The following COL8A1 variants were observed in gnomAD, a reference collection of about 807,000 sequenced individuals.
COL8A1 encodes collagen type VIII alpha 1 chain, also known as collagen alpha-1(VIII) chain.
Under a neutral mutation model 42.7 loss-of-function variants are expected in COL8A1, and 21 were observed. The ratio of observed to expected loss-of-function variants is 0.49; its 90% CI spans 0.35 to 0.71. COL8A1 has a LOEUF of 0.71. COL8A1 is among the 30% of genes least tolerant of loss of function. The pLI is 0.01. For missense variants in COL8A1, 788 were observed against 962.4 expected, an observed-to-expected ratio of 0.82 and a Z score of 2.40; for synonymous variants, 367 against 369.1, an observed-to-expected ratio of 0.99 and a Z score of 0.06.
At chr3:99,673,630 T>C (rs1035691784) in intron 1 of COL8A1, among the ~76,000 whole-genome samples, 1 of 152,124 alleles carries the variant, frequency 6.6e-6, no homozygotes, top group Non-Finnish European at 1.5e-5. Flanking sequence ...TTTTTTATTA[T>C]TTTATTTTCC....
At chr3:99,790,596 T>A in intron 2 of COL8A1, 84 bp from the exon 3 acceptor site, 1 of 1,094,988 alleles carries the variant, frequency 9.1e-7, no homozygotes, top group Admixed American at 2.5e-5. Context: ...TTTCCCTTTT[T>A]TTTCCCCATT....
At chr3:99,681,616 A>G (rs753464362) in intron 1 of COL8A1, among the ~76,000 whole-genome samples, 17 of 152,218 alleles carry the variant, frequency 1.1e-4, no homozygotes, top group Non-Finnish European at 1.9e-4. Flanking sequence ...CTATTTCCTC[A>G]AAGACTAAAA....
At chr3:99,672,784 G>GT (rs1938584860) in intron 1 of COL8A1, among the ~76,000 whole-genome samples, 1 of 152,034 alleles carries the variant, frequency 6.6e-6, no homozygotes, top group Non-Finnish European at 1.5e-5. Context: ...TCTTCAGAGA[G>GT]TTGTCTCACA....
chr3:99,791,055 A>G, intron 3 of COL8A1, 45 bp downstream of exon 3: 1 of 1,512,892 alleles, frequency 6.6e-7, no homozygotes. Context: ...AGCTTTCCAA[A>G]TCTCTAAATT....
chr3:99,771,893 A>G (rs1941587819), intron 2 of COL8A1, among the ~76,000 whole-genome samples: 1 of 152,180 alleles, frequency 6.6e-6, no homozygotes, highest in African/African-American at 2.4e-5. Context: ...TGGCTTCCCC[A>G]TCACAAATTC....
intron 1 of COL8A1, among the ~76,000 whole-genome samples, chr3:99,715,123 A>G (rs573727494): frequency 1.3e-5 from 2 of 151,970 alleles, no homozygotes; most frequent in Non-Finnish European, 2.9e-5. Flanking sequence ...TCATTCTAAA[A>G]CCACCAAAAT....
chr3:99,740,804 A>C (rs914645953), intron 1 of COL8A1, among the ~76,000 whole-genome samples: 1 of 152,368 alleles, frequency 6.6e-6, no homozygotes, highest in South Asian at 2.1e-4. Flanking sequence ...TGCCCAGACC[A>C]GAATTAACAA....
chr3:99,783,374 A>T (rs886640886), intron 2 of COL8A1, among the ~76,000 whole-genome samples: 5 of 152,200 alleles, frequency 3.3e-5, no homozygotes, highest in Admixed American at 1.3e-4. Context: ...GCTCTTAATT[A>T]CAGAATTCAG....
intron 2 of COL8A1, among the ~76,000 whole-genome samples, chr3:99,776,860 C>T (rs375834238): frequency 2.0e-5 from 3 of 152,254 alleles, no homozygotes; most frequent in East Asian, 3.9e-4. Context: ...CTTTTTAGAC[C>T]GTATAGTGTA....
At chr3:99,725,046 C>T (rs1333054854) in intron 1 of COL8A1, among the ~76,000 whole-genome samples, 1 of 152,046 alleles carries the variant, frequency 6.6e-6, no homozygotes, top group Non-Finnish European at 1.5e-5. Context: ...ATACTTGACA[C>T]AGAGCCTGGC....
intron 2 of COL8A1, among the ~76,000 whole-genome samples, chr3:99,770,609 G>A (rs942042080): frequency 3.9e-5 from 6 of 152,154 alleles, no homozygotes; most frequent in African/African-American, 1.4e-4. Flanking sequence ...GAAAAGAGGT[G>A]TTCTACCAAG....
intron 2 of COL8A1, among the ~76,000 whole-genome samples, chr3:99,788,140 G>A (rs1259380373): frequency 1.3e-5 from 2 of 152,136 alleles, no homozygotes; most frequent in Non-Finnish European, 1.5e-5. Context: ...TCAGGGACAG[G>A]AGAAAAATTA....
intron 1 of COL8A1, among the ~76,000 whole-genome samples, chr3:99,663,705 G>A (rs1265281212): frequency 6.6e-6 from 1 of 152,124 alleles, no homozygotes; most frequent in African/African-American, 2.4e-5. Context: ...AAAGAAAGTA[G>A]TGAAGATGGT....
chr3:99,768,507 C>G (rs989508713), intron 2 of COL8A1, among the ~76,000 whole-genome samples: 6 of 152,186 alleles, frequency 3.9e-5, no homozygotes, highest in African/African-American at 1.4e-4. Context: ...AGTGATTTGA[C>G]CAAGGTCACA....
rs1312889816 is a variant in COL8A1 at position 99,795,349 on chromosome 3, G to A, written c.1448G>A (p.Gly483Glu). The A allele has an allele frequency of 1.3e-6, 2 of 1,591,700 alleles. No individual in the cohort carries two copies. The highest frequency in any genetic ancestry group is 1.1e-5 in the South Asian group (1 of 87,910). ...GTTCCAGGGCTTCTCGGACCTAAGG[G>A]AGAGCCAGGAATCCCAGGGGATCAG... ...PGVPGLLGPK[G>E]EPGIPGDQGL... The change falls in exon 4 of 4, where the codon GGA (glycine) becomes GAA (glutamate). Residue 483 changes from glycine (G) to glutamate (E), a missense_variant. By Grantham distance (98) the Gly-to-Glu change is moderately conservative (BLOSUM62 -2). This residue lies in a region of COL8A1 where 154 missense variants were observed against 182.3 expected (regional missense o/e 0.84). Transcript: ENST00000652472.
chr3:99,668,585 T>G (rs1022833100), intron 1 of COL8A1, among the ~76,000 whole-genome samples: 11 of 152,090 alleles, frequency 7.2e-5, no homozygotes, highest in Admixed American at 7.2e-4. Flanking sequence ...AACTGAGATA[T>G]GGAAACTACT....
chr3:99,653,585 G>A (rs1309883097), intron 1 of COL8A1, among the ~76,000 whole-genome samples: 1 of 151,778 alleles, frequency 6.6e-6, no homozygotes, highest in African/African-American at 2.4e-5. Flanking sequence ...GGTTGTGTAT[G>A]TGTCTGTGTG....
At chr3:99,758,885 G>A (rs1470126934) in intron 2 of COL8A1, among the ~76,000 whole-genome samples, 16 of 151,952 alleles carry the variant, frequency 1.1e-4, no homozygotes, top group Admixed American at 1.0e-3. Flanking sequence ...CTTTATAGAT[G>A]CCAGGCACTG....
chr3:99,750,049 CTTTTTTT>C (rs1176042144), intron 2 of COL8A1, among the ~76,000 whole-genome samples: 40 of 65,970 alleles, frequency 6.1e-4, no homozygotes, highest in South Asian at 2.8e-3. Flanking sequence ...TTTTTTTCTT[CTTTTTTT>C]TTTTTTTTTT....
Sources: gnomAD v4.1 joint callset for allele counts (sites outside exome capture counted in the v4.1 genomes callset) on GRCh38, gnomAD v4.1.1 for gene constraint, gnomAD v4.1.1 regional missense constraint, MANE v1.5 for transcripts, NCBI Gene and HGNC (gene_info 2026-07-23, HGNC 2026-07-21) for gene names.